Variants in BICD1 observed in about 807,000 individuals in gnomAD.
The protein encoded by BICD1 is BICD cargo adaptor 1, also known as protein bicaudal D homolog 1.
BICD1 carries 35 observed loss-of-function variants against 92.5 expected under a neutral mutation model. That is an observed-to-expected ratio of 0.38 (90% CI 0.29 to 0.50). The LOEUF (loss-of-function observed/expected upper bound fraction) is 0.50. Ranked by LOEUF, BICD1 falls within the 20% of genes least tolerant of loss-of-function variation. The pLI is 0.93. For missense variants in BICD1, 950 were observed against 1,189.8 expected (o/e 0.80, Z 2.97); for synonymous variants, 429 against 465.1 (o/e 0.92, Z 1.00).
At chr12:32,357,437 A>C (rs1471708517) in intron 8 of BICD1, among the ~76,000 whole-genome samples, 1 of 152,102 alleles carries the variant, frequency 6.6e-6, no homozygotes, top group Admixed American at 6.5e-5. Context: ...ATTTGAGAGA[A>C]TTTGGGCTGT....
intron 2 of BICD1, among the ~76,000 whole-genome samples, chr12:32,279,533 A>C (rs1198582347): frequency 6.6e-6 from 1 of 152,266 alleles, no homozygotes; most frequent in African/African-American, 2.4e-5. Flanking sequence ...AAAGAAGAAA[A>C]AATAGAAATC....
chr12:32,359,877 G>A (rs558649745), intron 8 of BICD1, among the ~76,000 whole-genome samples: 1 of 152,044 alleles, frequency 6.6e-6, no homozygotes, highest in Non-Finnish European at 1.5e-5. Flanking sequence ...CATTTCTCCT[G>A]CCTATTTTTA....
chr12:32,153,450 G>T lies in BICD1; in HGVS notation c.213+45906G>T, dbSNP rs117467416. Among the ~76,000 whole-genome samples, 93 of 152,204 alleles carry T rather than the reference G, an allele frequency of 6.1e-4. 4 individuals carry two copies. In the East Asian group the frequency reaches 0.018, roughly 29 times the overall value. ...CGGATATATACCTGAAACTATTCTT[G>T]TTAAGTGAGTCAACAAGGCCCACCT... On this transcript the variant is annotated intron_variant, in intron 1 of 9. Coordinates refer to ENST00000652176, the MANE Select transcript of BICD1 (RefSeq NM_001714.4).
intron 4 of BICD1, among the ~76,000 whole-genome samples, chr12:32,322,790 G>T (rs1212935940): frequency 2.0e-5 from 3 of 152,114 alleles, no homozygotes; most frequent in Non-Finnish European, 4.4e-5. Context: ...TGTTCTAAAG[G>T]CATGACCTTA....
chr12:32,327,868 G>C lies in BICD1; in HGVS notation c.1413G>C (p.Lys471Asn). The C allele has an allele frequency of 6.2e-7, 1 of 1,614,132 alleles. No individual in the cohort carries two copies. Among genetic ancestry groups the C allele is most frequent in the Non-Finnish European group, 8.5e-7 (1 of 1,180,032 alleles). ...ATGAGCAGGTGACAAGCCTTGAGAAGACCACCAAGGAGAGTGGTGAGAAGA... is the reference window on the plus strand; with the variant it reads ...ATGAGCAGGTGACAAGCCTTGAGAACACCACCAAGGAGAGTGGTGAGAAGA... ...MYDEQVTSLE[K>N]TTKESGEKMA... is the part of the protein sequence containing the mutation. Residue 471 changes from lysine to asparagine, a missense_variant, in exon 5 of 10, where the codon AAG (lysine) becomes AAC (asparagine). Transcript: ENST00000652176.
chr12:32,298,870 C>CAAA (rs59280755), intron 3 of BICD1, among the ~76,000 whole-genome samples: 5 of 56,068 alleles, frequency 8.9e-5, no homozygotes. Context: ...AACTCCATCT[C>CAAA]AAAAAAAAAA....
intron 8 of BICD1, among the ~76,000 whole-genome samples, chr12:32,357,313 C>G (rs761759026): frequency 7.2e-5 from 11 of 151,936 alleles, no homozygotes; most frequent in Non-Finnish European, 1.5e-4. Context: ...ACACCCAGCC[C>G]CAGATTATCC....
chr12:32,192,325 T>C (rs1430482354), intron 1 of BICD1, among the ~76,000 whole-genome samples: 2 of 149,836 alleles, frequency 1.3e-5, no homozygotes, highest in Admixed American at 1.3e-4. Context: ...TCCCAGCTAC[T>C]TGGGAGGCTG....
chr12:32,137,251 G>A (rs556909054), intron 1 of BICD1, among the ~76,000 whole-genome samples: 2 of 152,076 alleles, frequency 1.3e-5, no homozygotes, highest in Non-Finnish European at 2.9e-5. Context: ...ACCACACCTG[G>A]TTGATTTTTG....
chr12:32,146,905 CTCT>C (rs1343381293), intron 1 of BICD1, among the ~76,000 whole-genome samples: 5 of 136,990 alleles, frequency 3.6e-5, no homozygotes, highest in Admixed American at 1.7e-4. Context: ...CTTCTTCTTT[CTCT>C]TCTTCTTCCT....
At chr12:32,137,002 A>G in intron 1 of BICD1, among the ~76,000 whole-genome samples, 1 of 152,190 alleles carries the variant, frequency 6.6e-6, no homozygotes, top group East Asian at 1.9e-4. Context: ...TAATACCTGG[A>G]GCTAAAACAC....
chr12:32,317,654 T>G (rs1227977709), intron 4 of BICD1, among the ~76,000 whole-genome samples: 1 of 152,228 alleles, frequency 6.6e-6, no homozygotes, highest in Non-Finnish European at 1.5e-5. Context: ...TCTCTCATTC[T>G]GTAGGTTGCC....
At chr12:32,347,806 C>T (rs920837617) in intron 8 of BICD1, among the ~76,000 whole-genome samples, 2 of 151,730 alleles carry the variant, frequency 1.3e-5, no homozygotes, top group South Asian at 2.1e-4. Flanking sequence ...TTTTAATTAC[C>T]GTAATGAAGT....
intron 1 of BICD1, among the ~76,000 whole-genome samples, chr12:32,207,168 T>TA (rs1945081836): frequency 6.6e-6 from 1 of 152,216 alleles, no homozygotes; most frequent in African/African-American, 2.4e-5. Context: ...GGAATTCATT[T>TA]TAATGTTACA....
chr12:32,312,218 A>G (rs1948400476), intron 4 of BICD1, among the ~76,000 whole-genome samples: 1 of 116,062 alleles, frequency 8.6e-6, no homozygotes, highest in Admixed American at 8.3e-5. Context: ...CAAAACAAAA[A>G]TCAGGTCTCC....
intron 2 of BICD1, among the ~76,000 whole-genome samples, chr12:32,227,200 C>G (rs985100861): frequency 6.6e-6 from 1 of 152,220 alleles, no homozygotes; most frequent in South Asian, 2.1e-4. Flanking sequence ...TGAGCAGCGC[C>G]CTGGATTCTG....
intron 2 of BICD1, among the ~76,000 whole-genome samples, chr12:32,246,029 C>CAAAAAAAAAAAA (rs71068311): frequency 4.5e-5 from 2 of 44,092 alleles, no homozygotes; most frequent in Non-Finnish European, 7.4e-5. Context: ...TACTCTGTCT[C>CAAAAAAAAAAAA]AAAAAAAAAA....
chr12:32,157,420 A>G (rs915799079), intron 1 of BICD1, among the ~76,000 whole-genome samples: 3 of 152,218 alleles, frequency 2.0e-5, no homozygotes, highest in African/African-American at 4.8e-5. Flanking sequence ...GTGTATTATT[A>G]TGATTACTTT....
At chr12:32,342,202 G>A (rs1230355316) in intron 8 of BICD1, among the ~76,000 whole-genome samples, 156 of 98,446 alleles carry the variant, frequency 1.6e-3, no homozygotes, top group Non-Finnish European at 2.4e-3. Context: ...ATGTGTGTGT[G>A]TGTATATATA....
Sources: allele counts gnomAD v4.1 joint callset (sites outside exome capture counted in the v4.1 genomes callset), GRCh38; gene constraint gnomAD v4.1.1; transcripts MANE v1.5; gene names NCBI Gene and HGNC (gene_info 2026-07-23, HGNC 2026-07-21).